The following FUNDC1 variants were observed in gnomAD, a reference collection of about 807,000 sequenced individuals.
The protein encoded by FUNDC1 is FUN14 domain containing 1.
A neutral mutation model predicts 14.5 loss-of-function variants in FUNDC1; 10 were observed. The ratio of observed to expected loss-of-function variants is 0.69; its 90% CI spans 0.43 to 1.17. The LOEUF is 1.17. FUNDC1 is among the 50% of genes most tolerant of loss of function. The pLI is 0.00. For missense variants in FUNDC1, 115 were observed against 113.8 expected (o/e 1.01, Z -0.05); for synonymous variants, 33 against 39.7 (o/e 0.83, Z 0.64).
chrX:44,526,487 A>AGGG (rs66536007), intron 4 of FUNDC1, among the ~76,000 whole-genome samples: 4 of 89,666 alleles, frequency 4.5e-5, no homozygotes, highest in Non-Finnish European at 8.7e-5. Flanking sequence ...AAAATAAAAA[A>AGGG]GGGGGGGGGG....
At position 44,532,545 on chromosome X, in the gene FUNDC1, A is replaced by G. The variant is rs553381172; in HGVS notation, c.262-5180T>C. On this transcript the variant is annotated intron_variant, in intron 3 of 4. Transcript: ENST00000378045. Reference sequence around the variant, plus strand: ...AATATATATATGTGTGTGTGTGTGTATATATATATATATTTTTTTTTTTTG... The same window carrying G: ...AATATATATATGTGTGTGTGTGTGTGTATATATATATATTTTTTTTTTTTG... 1.5e-4 allele frequency among the ~76,000 whole-genome samples: 14 copies of G among 92,835 alleles called. No individual in the cohort carries two copies. The East Asian group carries it at 2.5e-3, about 17-fold the overall frequency. The allele number at this position is 92,835 out of a possible 115,157, so 80.6% of individuals were successfully genotyped here.
intron 2 of FUNDC1, among the ~76,000 whole-genome samples, chrX:44,540,063 A>C (rs1160327421): frequency 2.7e-5 from 3 of 110,811 alleles, no homozygotes; most frequent in Non-Finnish European, 5.7e-5. Flanking sequence ...GAACACTTTA[A>C]GGGCCCTCTA....
Position 44,542,026 on chromosome X carries a change from C to G in FUNDC1, c.104G>C (p.Arg35Pro). 1 of 1,202,626 alleles carries G rather than the reference C, an allele frequency of 8.3e-7. No individual in the cohort carries two copies. The highest frequency in any genetic ancestry group is 1.1e-6 in the Non-Finnish European group (1 of 888,159). The change falls in exon 2 of 5, where the codon CGA (arginine) becomes CCA (proline). Residue 35 changes from arginine (R) to proline (P), a missense_variant. By Grantham distance (103) the Arg-to-Pro change is moderately radical. Coordinates refer to ENST00000378045, the MANE Select transcript of FUNDC1 (RefSeq NM_173794.4). Reference sequence around the variant, plus strand: ...AGGTCCCGAACTGTGGCCAAACACTCGATTCCACCACTGGTGTCTTCTTGC... The same window carrying G: ...AGGTCCCGAACTGTGGCCAAACACTGGATTCCACCACTGGTGTCTTCTTGC... ...EYARRHQWWN[R>P]VFGHSSGPMV...
intron 3 of FUNDC1, 109 bp from the exon 4 acceptor site, chrX:44,527,474 A>G (rs1008273012): frequency 2.0e-5 from 11 of 551,869 alleles, no homozygotes; most frequent in Non-Finnish European, 2.9e-5. Flanking sequence ...TAAAACTTAT[A>G]GCTAAGAAAT....
At chrX:44,532,020 T>G (rs747694509) in intron 3 of FUNDC1, among the ~76,000 whole-genome samples, 11 of 111,542 alleles carry the variant, frequency 9.9e-5, no homozygotes, top group Middle Eastern at 4.7e-3. Flanking sequence ...AAATAATTTA[T>G]GTAGCTACTC....
Position 44,523,648 on chromosome X carries a change from A to C in FUNDC1, c.*550T>G, listed in dbSNP as rs910349396. On this transcript the variant is annotated 3_prime_UTR_variant, in exon 5 of 5. Transcript: ENST00000378045. The stretch of plus-strand genomic sequence containing the variant: ...AACATAAAAATTGGTATCATATTAC[A>C]TCAGCAGAGTCTGTTTAATATCTTT... The C allele has an allele frequency of 1.8e-5, 2 of 110,949 alleles. No homozygotes were observed. Among genetic ancestry groups the C allele is most frequent in the Non-Finnish European group, 3.8e-5 (2 of 52,962 alleles). 9.1% of individuals were successfully genotyped at this position (110,949 alleles called of 1,213,427 possible). A position where few individuals can be genotyped will look rare whatever the true frequency, so the allele number is the denominator to read the frequency against.
intron 3 of FUNDC1, among the ~76,000 whole-genome samples, chrX:44,535,999 A>AG (rs1353137635): frequency 4.3e-4 from 46 of 106,741 alleles, no homozygotes; most frequent in African/African-American, 1.5e-3. Flanking sequence ...AAAAAAAAAA[A>AG]AAGAAGAAGA....
intron 2 of FUNDC1, among the ~76,000 whole-genome samples, chrX:44,541,454 G>A (rs1294545353): frequency 9.0e-6 from 1 of 111,202 alleles, no homozygotes; most frequent in Non-Finnish European, 1.9e-5. Flanking sequence ...TAATCTGAAC[G>A]AGCCCACAAA....
chrX:44,542,686 C>CT, intron 1 of FUNDC1, 119 bp downstream of exon 1: 1 of 751,936 alleles, frequency 1.3e-6, no homozygotes, highest in Non-Finnish European at 2.0e-6. Flanking sequence ...AAGGGGCTGC[C>CT]TTAAAAAAAA....
chrX:44,542,052 A>G lies in FUNDC1; in HGVS notation c.78T>C (p.Tyr26=), dbSNP rs2147478134. ...GATTCCACCACTGGTGTCTTCTTGC[A>G]TACTCAGTTAAATCCAACACTTCAT... ...DSYEVLDLTE[Y]ARRHQWWNRV... is the part of the protein sequence containing the mutation. Residue 26 remains tyrosine, a synonymous_variant, in exon 2 of 5, where the codon TAT becomes TAC. Coordinates refer to ENST00000378045, the MANE Select transcript of FUNDC1 (RefSeq NM_173794.4). The G allele has an allele frequency of 8.3e-7, 1 of 1,204,475 alleles. No individual in the cohort carries two copies. Among genetic ancestry groups the G allele is most frequent in the Non-Finnish European group, 1.1e-6 (1 of 889,534 alleles).
intron 1 of FUNDC1, 41 bp from the exon 2 acceptor site, chrX:44,542,142 T>A (rs1230792579): frequency 1.8e-5 from 19 of 1,041,776 alleles, no homozygotes; most frequent in Middle Eastern, 2.8e-4. Context: ...GTAGAGTCAA[T>A]CAAAAGTCAG....
At chrX:44,531,315 G>C (rs761355208) in intron 3 of FUNDC1, among the ~76,000 whole-genome samples, 483 of 18,735 alleles carry the variant, frequency 0.026, 62 homozygotes, top group African/African-American at 0.084. Context: ...ATGTTGGCCA[G>C]ACACACACAC....
At chrX:44,537,176 A>G (rs1254659262) in intron 3 of FUNDC1, among the ~76,000 whole-genome samples, 1 of 111,929 alleles carries the variant, frequency 8.9e-6, no homozygotes, top group Non-Finnish European at 1.9e-5. Context: ...GAAAAGTGGG[A>G]GGTGGCAATG....
chrX:44,535,558 T>C (rs1174661256), intron 3 of FUNDC1, among the ~76,000 whole-genome samples: 2 of 103,485 alleles, frequency 1.9e-5, no homozygotes, highest in East Asian at 6.1e-4. Flanking sequence ...TTGTCCCAGC[T>C]ACTTGAGAGG....
chrX:44,538,041 G>A (rs893444399), intron 3 of FUNDC1, among the ~76,000 whole-genome samples: 3 of 112,663 alleles, frequency 2.7e-5, no homozygotes, highest in African/African-American at 9.7e-5. Context: ...GAGTGCAATG[G>A]CACGATCTCG....
chrX:44,530,821 G>A (rs1275252138), intron 3 of FUNDC1, among the ~76,000 whole-genome samples: 8 of 110,584 alleles, frequency 7.2e-5, no homozygotes, highest in Non-Finnish European at 1.3e-4. Context: ...AGGAGGCTGA[G>A]TTACAAGAAT....
Position 44,523,933 on chromosome X carries a change from T to C in FUNDC1, c.*265A>G, listed in dbSNP as rs761777248. 2.4e-5 allele frequency: 7 copies of C among 290,432 alleles called. No individual in the cohort carries two copies. Among genetic ancestry groups the C allele is most frequent in the Admixed American group, 5.9e-5 (1 of 16,898 alleles). The allele number at this position is 290,432 out of a possible 1,213,427, so 23.9% of individuals were successfully genotyped here. ...TGGTGATATTTTATAGGCTAGTTTC[T>C]AAACAGATGCAAATTTTTACAAAGC... On this transcript the variant is annotated 3_prime_UTR_variant, in exon 5 of 5. Coordinates refer to ENST00000378045, the MANE Select transcript of FUNDC1 (RefSeq NM_173794.4).
intron 3 of FUNDC1, among the ~76,000 whole-genome samples, chrX:44,530,834 G>A (rs752621100): frequency 6.6e-4 from 72 of 109,892 alleles, no homozygotes; most frequent in African/African-American, 2.3e-3. Flanking sequence ...ACAAGAATCA[G>A]GAGGCGGTTC....
chrX:44,540,394 C>A (rs1302779079), intron 2 of FUNDC1, among the ~76,000 whole-genome samples: 1 of 106,294 alleles, frequency 9.4e-6, no homozygotes, highest in African/African-American at 3.5e-5. Flanking sequence ...CAACACCTGG[C>A]TGTAATCCAA....
Sources: gnomAD v4.1 joint callset for allele counts (sites outside exome capture counted in the v4.1 genomes callset) on GRCh38, gnomAD v4.1.1 for gene constraint, MANE v1.5 for transcripts, NCBI Gene and HGNC (gene_info 2026-07-23, HGNC 2026-07-21) for gene names.